Variants in KLHL2 observed in about 807,000 individuals in gnomAD.
The protein encoded by KLHL2 is kelch like family member 2.
In KLHL2, 15 loss-of-function variants were observed where a neutral mutation model predicts 75.8. The ratio of observed to expected loss-of-function variants is 0.20; its 90% confidence interval spans 0.13 to 0.30. The LOEUF (loss-of-function observed/expected upper bound fraction) is 0.30, where lower values mean the gene tolerates loss of function less well. Among genes scored for constraint, KLHL2 ranks in the 10% least tolerant of loss-of-function variants. The probability of loss-of-function intolerance (pLI) is 1.00; values close to 1 mark genes in which losing one functional copy is unlikely to be tolerated. For synonymous variants in KLHL2, 214 were observed against 251.9 expected (o/e 0.85, Z 1.42); for missense variants, 381 against 741.0 (o/e 0.51, Z 5.64).
chr4:165,212,277 G>T (rs1238782462), intron 1 of KLHL2, among the ~76,000 whole-genome samples: 1 of 152,136 alleles, frequency 6.6e-6, no homozygotes, highest in Non-Finnish European at 1.5e-5. Context: ...GGATAAAAGG[G>T]TAGAGAATAA....
chr4:165,208,840 T>C (rs1262272574), intron 1 of KLHL2, among the ~76,000 whole-genome samples: 1 of 152,164 alleles, frequency 6.6e-6, no homozygotes, highest in African/African-American at 2.4e-5. Flanking sequence ...TCATGAGAGC[T>C]TATTCATGGA....
In KLHL2 at chr4:165,314,086, G is replaced by A. The variant is rs779311067; in HGVS notation, c.1529G>A (p.Arg510Gln). Residue 510 changes from arginine to glutamine, a missense_variant, in exon 13 of 15, where the codon CGA (arginine) becomes CAA (glutamine). Around this residue, in one of 5 missense-constraint regions of KLHL2, gnomAD observed 168 missense variants for 370.4 expected, o/e 0.45. Transcript: ENST00000226725. ...GGAGGTCATGATGGCCCTTTAGTAC[G>A]AAAAAGTGTTGAAGTATATGATCCC... is the stretch of plus-strand genomic sequence containing the variant. ...AVGGHDGPLV[R>Q]KSVEVYDPTT... 6 of 1,613,534 alleles carry A rather than the reference G, an allele frequency of 3.7e-6. No homozygotes were observed. The African/African-American group carries it at 8.0e-5, about 22-fold the overall frequency.
At chr4:165,307,082 G>A (rs1021406426) in intron 9 of KLHL2, among the ~76,000 whole-genome samples, 5 of 152,082 alleles carry the variant, frequency 3.3e-5, no homozygotes, top group African/African-American at 7.2e-5. Flanking sequence ...GGCCAAGGTG[G>A]GCCGATCACA....
chr4:165,223,188 A>G (rs1235062035), intron 2 of KLHL2, among the ~76,000 whole-genome samples: 7 of 152,240 alleles, frequency 4.6e-5, no homozygotes, highest in Admixed American at 2.0e-4. Flanking sequence ...TATGTAAACA[A>G]TGTATTCAAC....
intron 4 of KLHL2, among the ~76,000 whole-genome samples, chr4:165,246,574 T>G (rs1740283979): frequency 6.6e-6 from 1 of 151,988 alleles, no homozygotes; most frequent in Non-Finnish European, 1.5e-5. Context: ...GGAGGTAGGG[T>G]CAGTGGAATT....
rs1284660488 is a variant in KLHL2, at chr4:165,258,370, CA to C, written c.382-4826del. Among the ~76,000 whole-genome samples, 3 of 137,780 alleles carry C rather than the reference CA, an allele frequency of 2.2e-5. No individual in the cohort carries two copies. In the East Asian group the frequency reaches 6.3e-4, roughly 29 times the overall value. 90.4% of individuals were successfully genotyped at this position (137,780 alleles called of 152,430 possible). A position where few individuals can be genotyped will look rare whatever the true frequency, so the allele number is the denominator to read the frequency against. On this transcript the variant is annotated intron_variant, in intron 4 of 14. Transcript: ENST00000226725. ...TACTGTATAGAAATCCAAGGTACTG[CA>C]TGATGGTCTGTGCTTAACTATGACA...
chr4:165,236,617 G>A (rs1468327737), intron 3 of KLHL2, among the ~76,000 whole-genome samples: 1 of 152,142 alleles, frequency 6.6e-6, no homozygotes, highest in Non-Finnish European at 1.5e-5. Context: ...AAAAACTAAG[G>A]TAATAATGTA....
In KLHL2 at chr4:165,235,781, T is replaced by G. The variant is rs527289665; in HGVS notation, c.260-2997T>G. Among the ~76,000 whole-genome samples the G allele has an allele frequency of 9.9e-5, 15 of 152,226 alleles. No homozygotes were observed. In the South Asian group the frequency reaches 3.1e-3, roughly 32 times the overall value. On this transcript the variant is annotated intron_variant, in intron 3 of 14. Coordinates refer to ENST00000226725, the MANE Select transcript of KLHL2 (RefSeq NM_007246.4). ...TACCTAGAGAGGTTCCAGTGGAGAT[T>G]AGCCTGGGAAATGAGTGGGTGGGGA...
chr4:165,288,504 C>G (rs1032924126), intron 5 of KLHL2, among the ~76,000 whole-genome samples: 3 of 152,184 alleles, frequency 2.0e-5, no homozygotes, highest in Non-Finnish European at 2.9e-5. Context: ...TGAAAAAATG[C>G]ATTCTCACAT....
At chr4:165,245,749 A>G (rs1740211208) in intron 4 of KLHL2, among the ~76,000 whole-genome samples, 1 of 152,170 alleles carries the variant, frequency 6.6e-6, no homozygotes, top group Non-Finnish European at 1.5e-5. Flanking sequence ...TAAGATTTGT[A>G]AGACCTGTAG....
At chr4:165,224,137 A>G (rs1051465654) in intron 2 of KLHL2, 13 of 187,670 alleles carry the variant, frequency 6.9e-5, no homozygotes, top group African/African-American at 3.1e-4. Flanking sequence ...GCTGGCCCAA[A>G]TAAGTTTTAT....
chr4:165,298,811 C>G (rs1331362920), intron 7 of KLHL2, among the ~76,000 whole-genome samples: 1 of 152,014 alleles, frequency 6.6e-6, no homozygotes, highest in Admixed American at 6.6e-5. Flanking sequence ...GTGGCAGGTG[C>G]CTGTAGTCCC....
At chr4:165,231,632 G>A (rs1030621339) in intron 3 of KLHL2, among the ~76,000 whole-genome samples, 6 of 152,180 alleles carry the variant, frequency 3.9e-5, no homozygotes, top group African/African-American at 1.4e-4. Flanking sequence ...TCTGTGGATA[G>A]ACTGCTTTTG....
chr4:165,275,928 C>T (rs1743050112), intron 5 of KLHL2, among the ~76,000 whole-genome samples: 1 of 151,656 alleles, frequency 6.6e-6, no homozygotes, highest in Non-Finnish European at 1.5e-5. Context: ...TGAGACCAGC[C>T]TGGCCAACAT....
At chr4:165,215,500 G>C (rs1256467611) in intron 1 of KLHL2, among the ~76,000 whole-genome samples, 3 of 152,174 alleles carry the variant, frequency 2.0e-5, no homozygotes, top group Non-Finnish European at 4.4e-5. Flanking sequence ...CATGGATGTT[G>C]ACTTTGAAAA....
At chr4:165,279,754 T>C in intron 5 of KLHL2, 1 of 826,524 alleles carries the variant, frequency 1.2e-6, no homozygotes, top group East Asian at 2.5e-5. Flanking sequence ...GCGAGTCCGC[T>C]GAACTAGCCT....
At chr4:165,286,784 G>C (rs1256145479) in intron 5 of KLHL2, among the ~76,000 whole-genome samples, 1 of 152,186 alleles carries the variant, frequency 6.6e-6, no homozygotes, top group Admixed American at 6.5e-5. Flanking sequence ...CCAAACATAG[G>C]GATGTTAACC....
intron 4 of KLHL2, chr4:165,240,269 A>G (rs1212084089): frequency 1.3e-5 from 2 of 152,268 alleles, no homozygotes; most frequent in African/African-American, 4.8e-5. Flanking sequence ...TTGCACAAAT[A>G]GGAAGTTGTT....
rs73860621 is a variant in KLHL2 at position 165,274,968 on chromosome 4, G to T, written c.544+11609G>T. On this transcript the variant is annotated intron_variant, in intron 5 of 14. Transcript: ENST00000226725. The stretch of plus-strand genomic sequence containing the variant: ...GTGGCACTGGCAGTGACAGCCTGTC[G>T]CACTGACCACCCTGCTTCTCCAAGG... Among the ~76,000 whole-genome samples the T allele has an allele frequency of 2.0e-5, 3 of 152,212 alleles. No homozygotes were observed. The South Asian group carries it at 6.2e-4, about 32-fold the overall frequency.
Sources: gnomAD v4.1 joint callset for allele counts (sites outside exome capture counted in the v4.1 genomes callset) on GRCh38, gnomAD v4.1.1 for gene constraint, gnomAD v4.1.1 regional missense constraint, MANE v1.5 for transcripts, NCBI Gene and HGNC (gene_info 2026-07-23, HGNC 2026-07-21) for gene names.